EML1: variants seen among roughly 807,000 people sequenced by gnomAD.
EML1 encodes the protein EMAP like 1, also known as echinoderm microtubule-associated protein-like 1.
A neutral mutation model predicts 110.4 loss-of-function variants in EML1; 27 were observed. That is an observed-to-expected ratio of 0.24 (90% CI 0.18 to 0.34). The LOEUF is 0.34. EML1 is among the 10% of genes least tolerant of loss of function. The probability of loss-of-function intolerance (pLI) is 1.00; values close to 1 mark genes in which losing one functional copy is unlikely to be tolerated. For missense variants in EML1, 741 were observed against 1,030.9 expected (o/e 0.72, Z 3.85); for synonymous variants, 344 against 385.8 (o/e 0.89, Z 1.27).
chr14:99,740,482 C>T (rs1443637773), intron 1 of EML1, among the ~76,000 whole-genome samples: 1 of 152,174 alleles, frequency 6.6e-6, no homozygotes, highest in African/African-American at 2.4e-5. Flanking sequence ...AACATAGTGC[C>T]TTGTTAGGGT....
chr14:99,753,172 C>T (rs1347208027), intron 1 of EML1, among the ~76,000 whole-genome samples: 5 of 100,724 alleles, frequency 5.0e-5, no homozygotes, highest in Admixed American at 1.1e-4. Context: ...AGCCGCAGCC[C>T]CCACCCCCCT....
Position 99,800,741 on chromosome 14 carries a change from C to T in EML1, c.67+7198C>T, listed in dbSNP as rs182126997. 1.8e-4 allele frequency among the ~76,000 whole-genome samples: 28 copies of T among 152,328 alleles called. 1 individual carries two copies. The highest frequency in any genetic ancestry group is 1.4e-3 in the Admixed American group (22 of 15,302). On this transcript the variant is annotated intron_variant, in intron 1 of 21. Transcript: ENST00000262233. The stretch of plus-strand genomic sequence containing the variant: ...TACCTTTACTGGCAAATACTGTTGG[C>T]GGGGAAAACCATTTTTTGCAGAGTA...
At chr14:99,796,909 ATG>A (rs369237790) in intron 1 of EML1, among the ~76,000 whole-genome samples, 273 of 142,428 alleles carry the variant, frequency 1.9e-3, no homozygotes, top group South Asian at 6.2e-3. Flanking sequence ...TTGTGTGTGT[ATG>A]TGTGTGTGTG....
chr14:99,940,804 C>T lies in EML1; in HGVS notation c.*692C>T, dbSNP rs2060575939. The T allele has an allele frequency of 6.6e-6, 1 of 152,198 alleles. No homozygotes were observed. The highest frequency in any genetic ancestry group is 1.5e-5 in the Non-Finnish European group (1 of 68,034). The allele number at this position is 152,198 out of a possible 1,614,324, so 9.4% of individuals were successfully genotyped here. ...TCCTGCCTAACCAGATGCGGTCAGCCTCTTCACACCCACCTGGCTTGCATC... is the reference window on the plus strand; with the variant it reads ...TCCTGCCTAACCAGATGCGGTCAGCTTCTTCACACCCACCTGGCTTGCATC... On this transcript the variant is annotated 3_prime_UTR_variant, in exon 22 of 22. Coordinates refer to ENST00000262233, the MANE Select transcript of EML1 (RefSeq NM_004434.3).
rs972747601 is a variant in EML1 at position 99,827,889 on chromosome 14, C to G, written c.68-22964C>G. ...AGGCATGGGTCCCGTGAGCACCCAG[C>G]AGGGTGTCTGGGTGCAGTAGATGCG... On this transcript the variant is annotated intron_variant, in intron 1 of 21. Coordinates refer to ENST00000262233, the MANE Select transcript of EML1 (RefSeq NM_004434.3). The surrounding 1 kb of genome is among the most constrained non-coding windows in gnomAD (Gnocchi z 4.4). 6.6e-6 allele frequency among the ~76,000 whole-genome samples: 1 copy of G among 152,142 alleles called. No individual in the cohort carries two copies. Among genetic ancestry groups the G allele is most frequent in the African/African-American group, 2.4e-5 (1 of 41,422 alleles).
chr14:99,902,308 T>C lies in EML1; in HGVS notation c.1008+1269T>C, dbSNP rs139890491. Among the ~76,000 whole-genome samples the C allele has an allele frequency of 4.3e-4, 65 of 152,312 alleles. 1 individual carries two copies. In the Middle Eastern group the frequency reaches 0.017, roughly 40 times the overall value. ...AAGCTGATATGGGGTCGCTAGCTGA[T>C]TCCAGTGTGTCCAGAATTGGAATAC... On this transcript the variant is annotated intron_variant, in intron 9 of 21. Transcript: ENST00000262233.
intron 10 of EML1, among the ~76,000 whole-genome samples, chr14:99,908,504 A>G (rs972409511): frequency 6.6e-6 from 1 of 152,210 alleles, no homozygotes; most frequent in East Asian, 1.9e-4. Flanking sequence ...ACCTGTGTTC[A>G]TTCCCTAGCC....
At chr14:99,897,527 G>A (rs532895321) in intron 7 of EML1, among the ~76,000 whole-genome samples, 1 of 152,284 alleles carries the variant, frequency 6.6e-6, no homozygotes, top group South Asian at 2.1e-4. Flanking sequence ...GTCTTTGGGA[G>A]AGCTCTTCTG....
At chr14:99,767,404 C>T (rs2057378659) in intron 1 of EML1, among the ~76,000 whole-genome samples, 2 of 152,224 alleles carry the variant, frequency 1.3e-5, no homozygotes, top group African/African-American at 2.4e-5. Flanking sequence ...GATATGGCGA[C>T]CATCCTGGCC....
At chr14:99,860,944 C>G (rs1480869816) in intron 2 of EML1, among the ~76,000 whole-genome samples, 1 of 152,096 alleles carries the variant, frequency 6.6e-6, no homozygotes, top group East Asian at 1.9e-4. Flanking sequence ...CTGGGAATGC[C>G]TCCTGCATTG....
At chr14:99,753,377 C>T (rs1018443527) in intron 1 of EML1, among the ~76,000 whole-genome samples, 3 of 151,838 alleles carry the variant, frequency 2.0e-5, no homozygotes, top group Admixed American at 1.3e-4. Context: ...GGGGGTCAAG[C>T]GGATCCCTGT....
At chr14:99,743,233 G>A (rs1319187140) in intron 1 of EML1, among the ~76,000 whole-genome samples, 2 of 152,168 alleles carry the variant, frequency 1.3e-5, no homozygotes, top group Non-Finnish European at 2.9e-5. Context: ...GGCACAGGTC[G>A]AGCCCCTCCA....
chr14:99,930,299 T>C (rs1288793439), intron 17 of EML1, among the ~76,000 whole-genome samples: 1 of 152,208 alleles, frequency 6.6e-6, no homozygotes, highest in East Asian at 1.9e-4. Context: ...AGGTTTCAGT[T>C]GTTGGTCTAT....
At chr14:99,792,793 G>T (rs1301337638), upstream of EML1, 1 of 152,384 alleles carries the variant, frequency 6.6e-6, no homozygotes, top group Non-Finnish European at 1.5e-5. Context: ...CCAGTCCCGT[G>T]CTAAGTCTCA....
chr14:99,803,770 G>A (rs1047408822), intron 1 of EML1, among the ~76,000 whole-genome samples: 54 of 152,196 alleles, frequency 3.5e-4, no homozygotes, highest in African/African-American at 1.1e-3. Flanking sequence ...AAAAAGTTAT[G>A]TAACATGAAT....
intron 10 of EML1, among the ~76,000 whole-genome samples, chr14:99,908,207 G>A (rs1322201706): frequency 6.6e-6 from 1 of 152,238 alleles, no homozygotes; most frequent in African/African-American, 2.4e-5. Flanking sequence ...AAGACCAGCG[G>A]GAGCCCCGAG....
At chr14:99,853,961 G>A (rs949969827) in intron 2 of EML1, among the ~76,000 whole-genome samples, 2 of 152,136 alleles carry the variant, frequency 1.3e-5, no homozygotes, top group Non-Finnish European at 2.9e-5. Flanking sequence ...ATGAGCCACC[G>A]CATCTGACCT....
chr14:99,823,301 G>A (rs188927269), intron 1 of EML1, among the ~76,000 whole-genome samples: 31 of 151,906 alleles, frequency 2.0e-4, no homozygotes, highest in Middle Eastern at 6.8e-3. Flanking sequence ...TGCCCTGCAC[G>A]TGGGTGGTGT....
At chr14:99,798,583 G>A (rs970471350) in intron 1 of EML1, among the ~76,000 whole-genome samples, 3 of 151,864 alleles carry the variant, frequency 2.0e-5, no homozygotes, top group Non-Finnish European at 4.4e-5. Flanking sequence ...GTAGAAATGG[G>A]GTTTCACCAT....
Sources: allele counts gnomAD v4.1 joint callset (sites outside exome capture counted in the v4.1 genomes callset), GRCh38; gene constraint gnomAD v4.1.1; non-coding constraint Gnocchi (gnomAD v3.1); transcripts MANE v1.5; gene names NCBI Gene and HGNC (gene_info 2026-07-23, HGNC 2026-07-21).